Variants in SLMAP observed in about 807,000 individuals in gnomAD.
SLMAP encodes sarcolemmal membrane-associated protein.
A neutral mutation model predicts 128.8 loss-of-function variants in SLMAP; 44 were observed. The ratio of observed to expected loss-of-function variants is 0.34; its 90% CI spans 0.27 to 0.44. The LOEUF (loss-of-function observed/expected upper bound fraction) is 0.44, where lower values mean the gene tolerates loss of function less well. Ranked by LOEUF, SLMAP falls within the 20% of genes least tolerant of loss-of-function variation. The pLI, the probability that SLMAP is intolerant of heterozygous loss-of-function variation, is 1.00. For synonymous variants in SLMAP, 327 were observed against 348.8 expected (o/e 0.94, Z 0.70); for missense variants, 787 against 985.3 (o/e 0.80, Z 2.69).
intron 2 of SLMAP, among the ~76,000 whole-genome samples, chr3:57,762,368 C>CCA (rs750870593): frequency 1.1e-5 from 1 of 90,060 alleles, no homozygotes; most frequent in Non-Finnish European, 2.3e-5. Context: ...GACTCTGTCT[C>CCA]AAAAAAAAAA....
At chr3:57,861,843 A>G in intron 9 of SLMAP, 106 bp from the exon 10 acceptor site, 4 of 944,390 alleles carry the variant, frequency 4.2e-6, no homozygotes, top group Non-Finnish European at 6.5e-6. Context: ...ATGTTGATTT[A>G]GAATAGTCCA....
At chr3:57,925,401 T>C (rs2096989534) in intron 23 of SLMAP, among the ~76,000 whole-genome samples, 1 of 151,328 alleles carries the variant, frequency 6.6e-6, no homozygotes, top group Admixed American at 6.6e-5. Flanking sequence ...CACTCTCAGC[T>C]CACTGCAACC....
intron 2 of SLMAP, among the ~76,000 whole-genome samples, chr3:57,764,943 AGGACTTC>A (rs1348312966): frequency 2.0e-5 from 3 of 152,278 alleles, no homozygotes; most frequent in Admixed American, 6.5e-5. Flanking sequence ...CTTGCACATT[AGGACTTC>A]GGCAAAGCGC....
chr3:57,812,194 T>C (rs1178699321), intron 2 of SLMAP, among the ~76,000 whole-genome samples: 1 of 152,242 alleles, frequency 6.6e-6, no homozygotes, highest in Admixed American at 6.5e-5. Flanking sequence ...TTAAGAATTT[T>C]ATACTTTCAG....
chr3:57,789,528 G>GT (rs2084978144), intron 2 of SLMAP, among the ~76,000 whole-genome samples: 1 of 152,148 alleles, frequency 6.6e-6, no homozygotes, highest in South Asian at 2.1e-4. Context: ...AGATGTCGAG[G>GT]TTGAGGGGGT....
chr3:57,897,184 G>T, intron 17 of SLMAP: 1 of 1,076,208 alleles, frequency 9.3e-7, no homozygotes, highest in Non-Finnish European at 1.2e-6. Flanking sequence ...AAATGCAGCT[G>T]TGTTTTTTGT....
At chr3:57,924,614 G>A (rs1038229566) in intron 23 of SLMAP, among the ~76,000 whole-genome samples, 2 of 152,064 alleles carry the variant, frequency 1.3e-5, no homozygotes, top group Admixed American at 1.3e-4. Flanking sequence ...TGATCTGCCT[G>A]CCTTGGCCTC....
At chr3:57,846,899 G>A (rs748482785) in intron 4 of SLMAP, among the ~76,000 whole-genome samples, 89 of 152,182 alleles carry the variant, frequency 5.8e-4, no homozygotes, top group South Asian at 2.1e-3. Flanking sequence ...ATAGAAATTC[G>A]TATAATCAAG....
At chr3:57,760,988 A>C (rs558745332) in intron 2 of SLMAP, among the ~76,000 whole-genome samples, 13 of 151,212 alleles carry the variant, frequency 8.6e-5, no homozygotes, top group Middle Eastern at 3.5e-3. Context: ...CAGCCTCCCA[A>C]AGTGCTGGGA....
chr3:57,906,317 T>TTTTTTTTTTTTTG (rs2096557952), intron 17 of SLMAP, among the ~76,000 whole-genome samples: 1 of 121,716 alleles, frequency 8.2e-6, no homozygotes, highest in African/African-American at 3.1e-5. Context: ...TTTCTTTTTT[T>TTTTTTTTTTTTTG]TTTTTTTTTT....
intron 2 of SLMAP, among the ~76,000 whole-genome samples, chr3:57,776,573 C>G (rs2082003900): frequency 7.4e-6 from 1 of 136,036 alleles, no homozygotes; most frequent in South Asian, 2.3e-4. Flanking sequence ...GTTGCCCAGG[C>G]TGGAGTGCAG....
At chr3:57,903,987 C>G (rs1250383082) in intron 17 of SLMAP, among the ~76,000 whole-genome samples, 1 of 152,194 alleles carries the variant, frequency 6.6e-6, no homozygotes, top group Non-Finnish European at 1.5e-5. Flanking sequence ...CATTTTCCCA[C>G]ACAACCATAT....
In SLMAP at chr3:57,917,093, A is replaced by G. The variant is rs2153698414; in HGVS notation, c.2310+16A>G. ...GCAGAAAGAGGTAAAGCGAAAAGAC[A>G]TTATGAGCCCAATTATGGTTGGACT... On this transcript the variant is annotated intron_variant, in intron 22 of 24. Coordinates refer to ENST00000671191, the MANE Select transcript of SLMAP (RefSeq NM_001377540.1). The G allele has an allele frequency of 1.2e-6, 2 of 1,613,602 alleles. No individual in the cohort carries two copies. The highest frequency in any genetic ancestry group is 4.5e-5 in the East Asian group (2 of 44,714).
intron 8 of SLMAP, among the ~76,000 whole-genome samples, chr3:57,858,616 G>A (rs2094899983): frequency 6.6e-6 from 1 of 152,084 alleles, no homozygotes; most frequent in Admixed American, 6.6e-5. Context: ...ATCAATCATT[G>A]ATGATCCCAG....
intron 17 of SLMAP, chr3:57,899,021 A>G (rs1447567282): frequency 6.6e-6 from 1 of 152,228 alleles, no homozygotes; most frequent in African/African-American, 2.4e-5. Context: ...ATGGTGATTG[A>G]TAAAAGCAGG....
chr3:57,927,234 G>C, intron 24 of SLMAP, 62 bp from the exon 25 acceptor site: 1 of 1,026,698 alleles, frequency 9.7e-7, no homozygotes, highest in East Asian at 2.5e-5. Flanking sequence ...GAACCAAGGG[G>C]TTAATAGGTA....
At chr3:57,857,618 A>G (rs1467221502) in intron 6 of SLMAP, 115 bp from the exon 7 acceptor site, 1 of 709,024 alleles carries the variant, frequency 1.4e-6, no homozygotes. Flanking sequence ...ACTACTTTAA[A>G]ATACATCAAG....
intron 3 of SLMAP, among the ~76,000 whole-genome samples, chr3:57,834,279 G>T (rs1003829389): frequency 7.2e-5 from 11 of 151,970 alleles, no homozygotes; most frequent in Non-Finnish European, 1.6e-4. Context: ...TTCTACAAGG[G>T]ATAAACAAAC....
intron 2 of SLMAP, among the ~76,000 whole-genome samples, chr3:57,827,772 G>A (rs2093027601): frequency 1.3e-5 from 2 of 152,134 alleles, no homozygotes; most frequent in South Asian, 4.1e-4. Flanking sequence ...TTTTAATGTG[G>A]TCAAAACTCC....
Sources: allele counts gnomAD v4.1 joint callset (sites outside exome capture counted in the v4.1 genomes callset), GRCh38; gene constraint gnomAD v4.1.1; transcripts MANE v1.5; gene names NCBI Gene and HGNC (gene_info 2026-07-23, HGNC 2026-07-21).